Variants in PLCH1 observed in about 807,000 individuals in gnomAD.
PLCH1 encodes the protein 1-phosphatidylinositol 4,5-bisphosphate phosphodiesterase eta-1.
A neutral mutation model predicts 126.7 loss-of-function variants in PLCH1; 60 were observed. That is an observed-to-expected ratio of 0.47 (90% CI 0.38 to 0.59). The LOEUF (loss-of-function observed/expected upper bound fraction) is 0.59, where lower values mean the gene tolerates loss of function less well. Among genes scored for constraint, PLCH1 ranks in the 20% least tolerant of loss-of-function variants. The pLI is 0.00. For synonymous variants in PLCH1, 719 were observed against 734.9 expected, an observed-to-expected ratio of 0.98 and a Z score of 0.35; for missense variants, 1,723 against 2,040.0, an observed-to-expected ratio of 0.84 and a Z score of 2.99.
At chr3:155,562,296 T>C (rs1404682480) in intron 8 of PLCH1, among the ~76,000 whole-genome samples, 3 of 152,202 alleles carry the variant, frequency 2.0e-5, no homozygotes, top group African/African-American at 7.2e-5. Flanking sequence ...CCCATTGCAA[T>C]GACAGCTCTG....
chr3:155,500,581 G>A (rs879211177), intron 14 of PLCH1, 122 bp downstream of exon 14: 102 of 655,950 alleles, frequency 1.6e-4, no homozygotes, highest in Middle Eastern at 2.7e-4. Context: ...TCACATGTTC[G>A]ACAGCACAGA....
chr3:155,503,823 C>T (rs1576847200), intron 13 of PLCH1, among the ~76,000 whole-genome samples: 1 of 152,244 alleles, frequency 6.6e-6, no homozygotes, highest in East Asian at 1.9e-4. Context: ...CAGGTGTGAG[C>T]CACCACGCCT....
At chr3:155,457,924 T>A (rs951940670) in intron 21 of PLCH1, among the ~76,000 whole-genome samples, 1 of 152,128 alleles carries the variant, frequency 6.6e-6, no homozygotes, top group African/African-American at 2.4e-5. Flanking sequence ...ACATCCAAAC[T>A]TCTGTGGCAC....
chr3:155,657,142 C>T (rs930506317), intron 2 of PLCH1, among the ~76,000 whole-genome samples: 4 of 151,600 alleles, frequency 2.6e-5, no homozygotes, highest in Non-Finnish European at 5.9e-5. Context: ...AAAGAGACTT[C>T]TGCTTCCAAC....
At chr3:155,643,875 T>C (rs930840336) in intron 2 of PLCH1, among the ~76,000 whole-genome samples, 3 of 152,228 alleles carry the variant, frequency 2.0e-5, no homozygotes, top group Non-Finnish European at 4.4e-5. Context: ...GTCTACTTCA[T>C]TGAGTAATTT....
intron 17 of PLCH1, among the ~76,000 whole-genome samples, chr3:155,493,350 G>T (rs1174855146): frequency 6.6e-6 from 1 of 152,166 alleles, no homozygotes; most frequent in Non-Finnish European, 1.5e-5. Flanking sequence ...AGAACCAAAA[G>T]AAAGTGTTGT....
At chr3:155,530,365 G>A (rs1202686177) in intron 10 of PLCH1, among the ~76,000 whole-genome samples, 27 of 145,102 alleles carry the variant, frequency 1.9e-4, no homozygotes, top group Non-Finnish European at 3.3e-4. Flanking sequence ...TCGCTCTGTC[G>A]CCCAGGCTGG....
chr3:155,549,663 C>A (rs1279120176), intron 10 of PLCH1, 124 bp downstream of exon 10: 3 of 690,538 alleles, frequency 4.3e-6, no homozygotes, highest in Admixed American at 2.9e-5. Flanking sequence ...ATACATAGAT[C>A]TAGACAATCC....
At chr3:155,573,933 A>G (rs528104987) in intron 6 of PLCH1, among the ~76,000 whole-genome samples, 2 of 151,794 alleles carry the variant, frequency 1.3e-5, no homozygotes, top group East Asian at 3.9e-4. Flanking sequence ...CTTTTTTTTT[A>G]GATAGAGTCT....
chr3:155,602,819 A>G (rs1411680421), intron 2 of PLCH1, among the ~76,000 whole-genome samples: 1 of 152,142 alleles, frequency 6.6e-6, no homozygotes, highest in Non-Finnish European at 1.5e-5. Flanking sequence ...ACAGAAAGCA[A>G]TCTACACACA....
chr3:155,504,918 C>T (rs1465702248), intron 12 of PLCH1, among the ~76,000 whole-genome samples: 1 of 152,208 alleles, frequency 6.6e-6, no homozygotes, highest in Non-Finnish European at 1.5e-5. Flanking sequence ...TGCAGGTGTG[C>T]TGGCCCTCAT....
intron 21 of PLCH1, among the ~76,000 whole-genome samples, chr3:155,453,740 C>A (rs111931483): frequency 0.032 from 4,755 of 148,088 alleles, 256 homozygotes; most frequent in African/African-American, 0.11. Context: ...TTAATAATTT[C>A]TGATTAATAA....
intron 2 of PLCH1, among the ~76,000 whole-genome samples, chr3:155,694,013 C>CT (rs1235735113): frequency 6.6e-6 from 1 of 152,134 alleles, no homozygotes; most frequent in Non-Finnish European, 1.5e-5. Flanking sequence ...TATTTTCCTG[C>CT]TTAATTTATA....
At chr3:155,622,317 G>A (rs1736622238) in intron 2 of PLCH1, among the ~76,000 whole-genome samples, 1 of 152,130 alleles carries the variant, frequency 6.6e-6, no homozygotes, top group Non-Finnish European at 1.5e-5. Flanking sequence ...ATACCACATG[G>A]TAAACACCAT....
chr3:155,495,485 A>C (rs1170479717), intron 15 of PLCH1, among the ~76,000 whole-genome samples: 1 of 152,278 alleles, frequency 6.6e-6, no homozygotes, highest in East Asian at 1.9e-4. Context: ...GCCCAGATAA[A>C]AAGACCCAAA....
intron 12 of PLCH1, among the ~76,000 whole-genome samples, chr3:155,505,466 C>A (rs1424513865): frequency 6.6e-6 from 1 of 152,140 alleles, no homozygotes; most frequent in Non-Finnish European, 1.5e-5. Flanking sequence ...AAGACTCCAG[C>A]TAAACAGAGA....
chr3:155,683,763 T>A (rs1462500508), intron 2 of PLCH1, among the ~76,000 whole-genome samples: 2 of 152,172 alleles, frequency 1.3e-5, no homozygotes, highest in Non-Finnish European at 2.9e-5. Context: ...AAAACAAATA[T>A]CTGTCCTGAG....
chr3:155,453,456 T>C (rs557667354), intron 21 of PLCH1, among the ~76,000 whole-genome samples: 1 of 152,288 alleles, frequency 6.6e-6, no homozygotes, highest in African/African-American at 2.4e-5. Flanking sequence ...TTTGTACTAT[T>C]TTTGAAACTG....
intron 2 of PLCH1, among the ~76,000 whole-genome samples, chr3:155,600,148 T>G (rs1733527404): frequency 6.6e-6 from 1 of 152,202 alleles, no homozygotes; most frequent in Non-Finnish European, 1.5e-5. Flanking sequence ...AACAAGATAG[T>G]TGACAATGCC....
Sources: gnomAD v4.1 joint callset for allele counts (sites outside exome capture counted in the v4.1 genomes callset) on GRCh38, gnomAD v4.1.1 for gene constraint, MANE v1.5 for transcripts, NCBI Gene and HGNC (gene_info 2026-07-23, HGNC 2026-07-21) for gene names.